NUDT5: variants seen among roughly 807,000 people sequenced by gnomAD.
NUDT5 encodes nudix hydrolase 5.
A neutral mutation model predicts 34.1 loss-of-function variants in NUDT5; 21 were observed. The ratio of observed to expected loss-of-function variants is 0.62; its 90% CI spans 0.44 to 0.89. NUDT5 has a LOEUF of 0.89. Ranked by LOEUF, NUDT5 falls within the 40% of genes least tolerant of loss-of-function variation. The pLI is 0.00. For synonymous variants in NUDT5, 85 were observed against 97.6 expected (o/e 0.87, Z 0.76); for missense variants, 249 against 274.8 (o/e 0.91, Z 0.66).
chr10:12,169,381 C>T lies in NUDT5; in HGVS notation c.550+1336G>A, dbSNP rs1834797766. The T allele has an allele frequency of 8.1e-7, 1 of 1,236,782 alleles. No individual in the cohort carries two copies. The highest frequency in any genetic ancestry group is 2.6e-5 in the East Asian group (1 of 38,296). 76.6% of individuals were successfully genotyped at this position (1,236,782 alleles called of 1,614,324 possible). A position where few individuals can be genotyped will look rare whatever the true frequency, so the allele number is the denominator to read the frequency against. ...TGCCTACGTCACCCTGCTTTCCACG[C>T]ACCTCCTCAGAGGGAGGGGCTGTTA... On this transcript the variant is annotated intron_variant, in intron 9 of 9. Transcript: ENST00000491614. The surrounding 1 kb of genome is among the most constrained non-coding windows in gnomAD (Gnocchi z 4.8).
At chr10:12,174,023 C>T (rs997152048) in intron 5 of NUDT5, among the ~76,000 whole-genome samples, 14 of 151,972 alleles carry the variant, frequency 9.2e-5, no homozygotes, top group East Asian at 5.8e-4. Flanking sequence ...CGTGCCACCA[C>T]GCCCAGCTAA....
chr10:12,177,658 G>A (rs1176722392), intron 5 of NUDT5, 135 bp downstream of exon 5: 11 of 664,690 alleles, frequency 1.7e-5, no homozygotes, highest in African/African-American at 7.2e-5. Context: ...GAGGAGCCTC[G>A]CTACGAAATG....
Position 12,181,691 on chromosome 10 carries a change from A to G in NUDT5, c.132-2559T>C, listed in dbSNP as rs11257582. Among the ~76,000 whole-genome samples, 2,511 of 152,112 alleles carry G rather than the reference A, an allele frequency of 0.017. 88 individuals carry two copies. Among genetic ancestry groups the G allele is most frequent in the African/African-American group, 0.057 (2,367 of 41,470 alleles). ...AAGTCGCCGTGTGCGTGCAAAGGAT[A>G]TATCGGGCCGGGTGTGGTGGCTCAC... On this transcript the variant is annotated intron_variant, in intron 3 of 9. Transcript: ENST00000491614. This position sits in a 1 kb window ranked among gnomAD's most constrained non-coding sequence, Gnocchi z 5.0.
rs899655469 is a variant in NUDT5, at chr10:12,175,573, T to A, written c.290-1760A>T. Reference sequence around the variant, plus strand: ...AGGAGGATCACTTGAGCCCAGAAGGTCAAGGCTGCAGTGAGCTGTGATTGT... The same window carrying A: ...AGGAGGATCACTTGAGCCCAGAAGGACAAGGCTGCAGTGAGCTGTGATTGT... On this transcript the variant is annotated intron_variant, in intron 5 of 9. Transcript: ENST00000491614. The surrounding 1 kb of genome is among the most constrained non-coding windows in gnomAD (Gnocchi z 4.8). Among the ~76,000 whole-genome samples, 8 of 151,156 alleles carry A rather than the reference T, an allele frequency of 5.3e-5. No individual in the cohort carries two copies. Among genetic ancestry groups the A allele is most frequent in the Admixed American group, 5.3e-4 (8 of 15,184 alleles).
chr10:12,193,796 C>A (rs760609582), intron 1 of NUDT5, among the ~76,000 whole-genome samples: 5 of 151,858 alleles, frequency 3.3e-5, no homozygotes, highest in African/African-American at 4.8e-5. Context: ...TTTAAGCTTA[C>A]AAACTTAGCT....
intron 1 of NUDT5, among the ~76,000 whole-genome samples, chr10:12,190,624 T>C (rs1835207330): frequency 6.6e-6 from 1 of 150,884 alleles, no homozygotes; most frequent in Non-Finnish European, 1.5e-5. Flanking sequence ...TTTTTTTTTT[T>C]TTGAGACTGA....
At chr10:12,177,761 C>T (rs547633019) in intron 5 of NUDT5, 32 bp downstream of exon 5, 1 of 1,480,566 alleles carries the variant, frequency 6.8e-7, no homozygotes, top group South Asian at 1.1e-5. Flanking sequence ...GGCCAACATC[C>T]CTAAGAAGCA....
At chr10:12,191,188 C>T (rs1413862631) in intron 1 of NUDT5, among the ~76,000 whole-genome samples, 3 of 151,972 alleles carry the variant, frequency 2.0e-5, no homozygotes, top group Non-Finnish European at 4.4e-5. Flanking sequence ...TCGAGACCAT[C>T]CTGGCTAACA....
At chr10:12,176,371 A>C (rs1037880600) in intron 5 of NUDT5, among the ~76,000 whole-genome samples, 1 of 152,132 alleles carries the variant, frequency 6.6e-6, no homozygotes, top group African/African-American at 2.4e-5. Flanking sequence ...TGAGAGGCCA[A>C]GGTGGGTGGA....
At chr10:12,188,685 C>T (rs1462511777) in intron 1 of NUDT5, among the ~76,000 whole-genome samples, 2 of 134,008 alleles carry the variant, frequency 1.5e-5, no homozygotes, top group Admixed American at 8.7e-5. Context: ...GAGCTGAGAT[C>T]GTGCCACTGC....
intron 5 of NUDT5, among the ~76,000 whole-genome samples, chr10:12,177,320 C>T (rs1179992905): frequency 6.6e-6 from 1 of 151,964 alleles, no homozygotes; most frequent in Non-Finnish European, 1.5e-5. Flanking sequence ...GAGATCGAGA[C>T]CATCCTGGCC....
At chr10:12,188,454 G>A (rs1293773562) in intron 1 of NUDT5, among the ~76,000 whole-genome samples, 3 of 152,206 alleles carry the variant, frequency 2.0e-5, no homozygotes, top group East Asian at 1.9e-4. Context: ...GGCCGGGTGC[G>A]GTGGCTCACG....
rs1588660703 is a variant in NUDT5 at position 12,184,368 on chromosome 10, C to G, written c.131+521G>C. On this transcript the variant is annotated intron_variant, in intron 3 of 9. Transcript: ENST00000491614. The stretch of plus-strand genomic sequence containing the variant: ...GAGCCAACACACCTGGCCCTTAACA[C>G]TTTGTTAAAACTGGGATTACTCGGT... 1.5e-5 allele frequency: 12 copies of G among 822,596 alleles called. 1 individual carries two copies. The South Asian group carries it at 2.2e-4, about 15-fold the overall frequency. 51.0% of individuals were successfully genotyped at this position (822,596 alleles called of 1,614,324 possible).
chr10:12,189,870 G>A (rs997540355), intron 1 of NUDT5, among the ~76,000 whole-genome samples: 1 of 151,002 alleles, frequency 6.6e-6, no homozygotes, highest in Non-Finnish European at 1.5e-5. Flanking sequence ...AAAGATACAT[G>A]TACACGATGT....
In NUDT5 at chr10:12,169,184, C is replaced by A; in HGVS notation, c.551-1373G>T. On this transcript the variant is annotated intron_variant, in intron 9 of 9. Transcript: ENST00000491614. The surrounding 1 kb of genome is among the most constrained non-coding windows in gnomAD (Gnocchi z 4.8). ...GCTAGGCAACTTGGTTCTTTTACCCCTCCTCCTTTATAGCCATAGTAGCCC... is the reference window on the plus strand; with the variant it reads ...GCTAGGCAACTTGGTTCTTTTACCCATCCTCCTTTATAGCCATAGTAGCCC... 1.1e-6 allele frequency: 1 copy of A among 949,548 alleles called. No homozygotes were observed. The highest frequency in any genetic ancestry group is 1.6e-6 in the Non-Finnish European group (1 of 630,912). The allele number at this position is 949,548 out of a possible 1,614,324, so 58.8% of individuals were successfully genotyped here. A position where few individuals can be genotyped will look rare whatever the true frequency, so the allele number is the denominator to read the frequency against.
rs1015827193 is a variant in NUDT5, at chr10:12,173,422, C to T, written c.385+296G>A. ...TTCACCATGTTGGTCAGGCTGGTCT[C>T]GAACTCCTGACCTCAGGTGATCCAC... On this transcript the variant is annotated intron_variant, in intron 6 of 9. Coordinates refer to ENST00000491614, the MANE Select transcript of NUDT5 (RefSeq NM_014142.4). This position sits in a 1 kb window ranked among gnomAD's most constrained non-coding sequence, Gnocchi z 4.7. Among the ~76,000 whole-genome samples the T allele has an allele frequency of 5.9e-5, 9 of 152,122 alleles. No homozygotes were observed. The highest frequency in any genetic ancestry group is 9.7e-5 in the African/African-American group (4 of 41,416).
rs764265999 is a variant in NUDT5, at chr10:12,167,670, G to A, written c.*32C>T. On this transcript the variant is annotated 3_prime_UTR_variant, in exon 10 of 10. Coordinates refer to ENST00000491614, the MANE Select transcript of NUDT5 (RefSeq NM_014142.4). ...TTAGTGAAGAAGGCCTGGTGGTCTC[G>A]TTTACAAAAATGGCCAGTGTCATAT... 28 of 1,604,562 alleles carry A rather than the reference G, an allele frequency of 1.7e-5. No homozygotes were observed. The highest frequency in any genetic ancestry group is 8.8e-5 in the South Asian group (8 of 90,530).
At position 12,166,423 on chromosome 10, in the gene NUDT5, G is replaced by A. The variant is rs1372558549; in HGVS notation, c.*1279C>T. 2 of 217,978 alleles carry A rather than the reference G, an allele frequency of 9.2e-6. No individual in the cohort carries two copies. Among genetic ancestry groups the A allele is most frequent in the Non-Finnish European group, 1.9e-5 (2 of 105,382 alleles). 13.5% of individuals were successfully genotyped at this position (217,978 alleles called of 1,614,324 possible). A position where few individuals can be genotyped will look rare whatever the true frequency, so the allele number is the denominator to read the frequency against. ...GGATCTTAATTTTCACATGTATAGG[G>A]CTAGACAGCTTCATCTGTAAAGTTC... On this transcript the variant is annotated 3_prime_UTR_variant, in exon 10 of 10. Coordinates refer to ENST00000491614, the MANE Select transcript of NUDT5 (RefSeq NM_014142.4).
Position 12,188,119 on chromosome 10 carries a change from G to A in NUDT5, c.-41-1787C>T, listed in dbSNP as rs943845220. On this transcript the variant is annotated intron_variant, in intron 1 of 9. Transcript: ENST00000491614. Reference sequence around the variant, plus strand: ...ACGCCACTGCACTCTTACGTTCCACGGTTCTCTAACCTACCCCACCTAACT... The same window carrying A: ...ACGCCACTGCACTCTTACGTTCCACAGTTCTCTAACCTACCCCACCTAACT... 2.6e-5 allele frequency among the ~76,000 whole-genome samples: 4 copies of A among 151,938 alleles called. No homozygotes were observed. The East Asian group carries it at 7.7e-4, about 29-fold the overall frequency.
Sources: allele counts gnomAD v4.1 joint callset (sites outside exome capture counted in the v4.1 genomes callset), GRCh38; gene constraint gnomAD v4.1.1; non-coding constraint Gnocchi (gnomAD v3.1); transcripts MANE v1.5; gene names NCBI Gene and HGNC (gene_info 2026-07-23, HGNC 2026-07-21).